Variants in TTC28 observed in about 807,000 individuals in gnomAD.
TTC28 encodes tetratricopeptide repeat domain 28, also known as tetratricopeptide repeat protein 28.
Under a neutral mutation model 198.0 loss-of-function variants are expected in TTC28, and 61 were observed. The observed-to-expected ratio is 0.31, with a 90% confidence interval of 0.25 to 0.38. The LOEUF (loss-of-function observed/expected upper bound fraction) is 0.38. TTC28 is among the 10% of genes least tolerant of loss of function. The pLI, the probability that TTC28 is intolerant of heterozygous loss-of-function variation, is 1.00. For missense variants in TTC28, 2,678 were observed against 3,164.0 expected, an observed-to-expected ratio of 0.85 and a Z score of 3.69; for synonymous variants, 1,171 against 1,297.8, an observed-to-expected ratio of 0.90 and a Z score of 2.10.
intron 2 of TTC28, among the ~76,000 whole-genome samples, chr22:28,367,530 AG>A (rs1454716163): frequency 6.6e-6 from 1 of 152,006 alleles, no homozygotes; most frequent in Non-Finnish European, 1.5e-5. Flanking sequence ...TAATTAAAAA[AG>A]CAAGTGCAAA....
At chr22:28,457,722 G>C (rs1287600917) in intron 2 of TTC28, among the ~76,000 whole-genome samples, 2 of 151,954 alleles carry the variant, frequency 1.3e-5, no homozygotes, top group African/African-American at 4.8e-5. Flanking sequence ...TTGTGTGGTA[G>C]GATTAATCCC....
At chr22:28,440,539 C>T (rs757527227) in intron 2 of TTC28, among the ~76,000 whole-genome samples, 17 of 152,182 alleles carry the variant, frequency 1.1e-4, no homozygotes, top group Non-Finnish European at 2.2e-4. Flanking sequence ...AAAGCCAAAA[C>T]TAGTAGTGAC....
chr22:28,464,152 T>C (rs962865475), intron 2 of TTC28, among the ~76,000 whole-genome samples: 2 of 151,980 alleles, frequency 1.3e-5, no homozygotes, highest in Non-Finnish European at 2.9e-5. Context: ...TACTAACACA[T>C]TGGAAGAGCT....
intron 2 of TTC28, among the ~76,000 whole-genome samples, chr22:28,589,133 C>T (rs1445682205): frequency 6.6e-6 from 1 of 152,148 alleles, no homozygotes; most frequent in African/African-American, 2.4e-5. Flanking sequence ...TCAAGCATTC[C>T]TAAATTCTAA....
chr22:28,671,262 G>A (rs1009647633), intron 1 of TTC28, among the ~76,000 whole-genome samples: 2 of 151,848 alleles, frequency 1.3e-5, no homozygotes, highest in African/African-American at 2.4e-5. Flanking sequence ...TTTTAAATTC[G>A]GTTGTCCTTT....
rs1601403536 is a variant in TTC28, at chr22:28,160,136, T to A, written c.1441+2956A>T. On this transcript the variant is annotated intron_variant, in intron 6 of 22. Coordinates refer to ENST00000397906, the MANE Select transcript of TTC28 (RefSeq NM_001145418.2). ...AAAGATAGAAAGGATGAAGAAGACC[T>A]ACTATTTGATAGCACAACCGGATAA... is the stretch of plus-strand genomic sequence containing the variant. 2.0e-5 allele frequency among the ~76,000 whole-genome samples: 3 copies of A among 152,290 alleles called. No individual in the cohort carries two copies. In the South Asian group the frequency reaches 6.2e-4, roughly 32 times the overall value.
At chr22:28,490,190 G>A (rs562268627) in intron 2 of TTC28, among the ~76,000 whole-genome samples, 68 of 152,192 alleles carry the variant, frequency 4.5e-4, no homozygotes, top group Non-Finnish European at 8.2e-4. Flanking sequence ...CACCCTCACA[G>A]ACACACCCAA....
chr22:28,581,370 T>C (rs2050231612), intron 2 of TTC28, among the ~76,000 whole-genome samples: 2 of 152,238 alleles, frequency 1.3e-5, no homozygotes, highest in Non-Finnish European at 2.9e-5. Flanking sequence ...AGGTATTTTA[T>C]AGCAGTGTGA....
rs561192567 is a variant in TTC28, at chr22:28,356,993, A to C, written c.382-50350T>G. On this transcript the variant is annotated intron_variant, in intron 2 of 22. Transcript: ENST00000397906. ...GGCCCTGGCCATGCTATATAATAATAATAATAATGTCTGCATAGAACATCA... is the reference window on the plus strand; with the variant it reads ...GGCCCTGGCCATGCTATATAATAATCATAATAATGTCTGCATAGAACATCA... Among the ~76,000 whole-genome samples, 4 of 152,320 alleles carry C rather than the reference A, an allele frequency of 2.6e-5. No individual in the cohort carries two copies. In the East Asian group the frequency reaches 7.7e-4, roughly 29 times the overall value.
chr22:28,309,776 A>G (rs1450301973), intron 2 of TTC28, among the ~76,000 whole-genome samples: 1 of 152,148 alleles, frequency 6.6e-6, no homozygotes, highest in Non-Finnish European at 1.5e-5. Flanking sequence ...CATACACCAC[A>G]TACTGGTCAT....
At chr22:28,558,156 C>A (rs554290035) in intron 2 of TTC28, among the ~76,000 whole-genome samples, 1 of 152,098 alleles carries the variant, frequency 6.6e-6, no homozygotes. Flanking sequence ...GTTATTCTTC[C>A]GAAGGTGAAA....
At chr22:28,378,029 T>C (rs1350042407) in intron 2 of TTC28, among the ~76,000 whole-genome samples, 1 of 151,628 alleles carries the variant, frequency 6.6e-6, no homozygotes, top group Non-Finnish European at 1.5e-5. Flanking sequence ...GCAAAAAAAA[T>C]GCAATGTCTC....
At chr22:28,192,836 G>C (rs1421876364) in intron 5 of TTC28, among the ~76,000 whole-genome samples, 1 of 152,228 alleles carries the variant, frequency 6.6e-6, no homozygotes, top group East Asian at 1.9e-4. Context: ...GAAAGTGACT[G>C]AGAGAATGCA....
At chr22:28,491,270 A>C (rs2048372939) in intron 2 of TTC28, among the ~76,000 whole-genome samples, 1 of 152,220 alleles carries the variant, frequency 6.6e-6, no homozygotes, top group Non-Finnish European at 1.5e-5. Flanking sequence ...GGATCTAATT[A>C]AACTAAAGAG....
At chr22:28,363,808 AT>A (rs968295813) in intron 2 of TTC28, among the ~76,000 whole-genome samples, 6 of 152,170 alleles carry the variant, frequency 3.9e-5, no homozygotes, top group Admixed American at 3.9e-4. Context: ...TCAGACTTGT[AT>A]GGGGCCTGTA....
intron 2 of TTC28, among the ~76,000 whole-genome samples, chr22:28,500,314 T>C (rs988773331): frequency 2.6e-5 from 4 of 152,212 alleles, no homozygotes; most frequent in African/African-American, 4.8e-5. Context: ...TTCTTTCACC[T>C]AGAACGCTGT....
intron 2 of TTC28, among the ~76,000 whole-genome samples, chr22:28,386,139 G>T (rs894633075): frequency 3.3e-5 from 5 of 150,118 alleles, no homozygotes; most frequent in African/African-American, 1.2e-4. Context: ...GCCGGGCGTA[G>T]TGGCGGGCGC....
chr22:28,307,761 T>C (rs1192508408), intron 2 of TTC28, among the ~76,000 whole-genome samples: 1 of 152,220 alleles, frequency 6.6e-6, no homozygotes, highest in Non-Finnish European at 1.5e-5. Context: ...TCAACTGAAA[T>C]ATTCTTACAA....
intron 2 of TTC28, among the ~76,000 whole-genome samples, chr22:28,326,974 A>AC (rs1491388823): frequency 1.9e-4 from 18 of 95,504 alleles, no homozygotes; most frequent in African/African-American, 4.9e-4. Context: ...ACACAAACAC[A>AC]AACACACACA....
Sources: gnomAD v4.1 joint callset for allele counts (sites outside exome capture counted in the v4.1 genomes callset) on GRCh38, gnomAD v4.1.1 for gene constraint, MANE v1.5 for transcripts, NCBI Gene and HGNC (gene_info 2026-07-23, HGNC 2026-07-21) for gene names.